PPFIA2: variants seen among roughly 807,000 people sequenced by gnomAD.
PPFIA2 encodes the protein PPFI scaffold protein A2.
In PPFIA2, 46 loss-of-function variants were observed where a neutral mutation model predicts 175.5. That is an observed-to-expected ratio of 0.26 (90% CI 0.21 to 0.34). The LOEUF (loss-of-function observed/expected upper bound fraction) is 0.34. Among genes scored for constraint, PPFIA2 ranks in the 10% least tolerant of loss-of-function variants. The pLI is 1.00. For missense variants in PPFIA2, 1,179 were observed against 1,506.1 expected (o/e 0.78, Z 3.60); for synonymous variants, 568 against 511.4 (o/e 1.11, Z -1.49).
chr12:81,348,538 C>G (rs192027091), intron 17 of PPFIA2, among the ~76,000 whole-genome samples: 1 of 151,960 alleles, frequency 6.6e-6, no homozygotes, highest in African/African-American at 2.4e-5. Context: ...GAGTTCGAGA[C>G]CAGCCTGGCC....
chr12:81,420,443 A>C (rs558028191), intron 7 of PPFIA2, among the ~76,000 whole-genome samples: 1 of 152,210 alleles, frequency 6.6e-6, no homozygotes, highest in Admixed American at 6.6e-5. Flanking sequence ...TCAGCAGAAC[A>C]ATACATGAAA....
intron 4 of PPFIA2, among the ~76,000 whole-genome samples, chr12:81,554,801 TAAA>T (rs2068556257): frequency 6.6e-6 from 1 of 152,022 alleles, no homozygotes; most frequent in African/African-American, 2.4e-5. Context: ...TTTTCTGAAC[TAAA>T]AACGTATACA....
intron 3 of PPFIA2, among the ~76,000 whole-genome samples, chr12:81,741,578 A>C (rs2153654394): frequency 6.6e-6 from 1 of 152,238 alleles, no homozygotes; most frequent in East Asian, 1.9e-4. Flanking sequence ...ATGGCTTTGA[A>C]GGCAGCCCAA....
rs118125166 is a variant in PPFIA2, at chr12:81,448,301, C to T, written c.406-2581G>A. Among the ~76,000 whole-genome samples, 86 of 152,274 alleles carry T rather than the reference C, an allele frequency of 5.6e-4. 1 individual carries two copies. The East Asian group carries it at 0.014, about 26-fold the overall frequency. On this transcript the variant is annotated intron_variant, in intron 5 of 32. Coordinates refer to ENST00000549396, the MANE Select transcript of PPFIA2 (RefSeq NM_003625.5). Reference sequence around the variant, plus strand: ...GTTAACAATTCAGTATTTGTAAGCACTCTCTTTCATGCTCCCTCAGTTTCT... The same window carrying T: ...GTTAACAATTCAGTATTTGTAAGCATTCTCTTTCATGCTCCCTCAGTTTCT...
chr12:81,659,528 G>T (rs2068422860), intron 4 of PPFIA2, among the ~76,000 whole-genome samples: 1 of 152,214 alleles, frequency 6.6e-6, no homozygotes, highest in South Asian at 2.1e-4. Flanking sequence ...CCATTGCTGA[G>T]GCTTGAAGAG....
Position 81,358,154 on chromosome 12 carries a change from A to G in PPFIA2, c.1701T>C (p.Ser567=). 6.3e-7 allele frequency: 1 copy of G among 1,599,850 alleles called. No homozygotes were observed. The highest frequency in any genetic ancestry group is 8.5e-7 in the Non-Finnish European group (1 of 1,172,566). The part of the protein sequence containing the change: ...YSVGSLVDSQ[S]DYRTTKVIRR... ...TTATTACTTTAGTTGTTCTGTAATC[A>G]GACTGGCTGTCCACTAGGGATCCCA... Residue 567 remains serine (S), a synonymous_variant, in exon 16 of 33, where the codon TCT becomes TCC. Transcript: ENST00000549396.
intron 21 of PPFIA2, among the ~76,000 whole-genome samples, chr12:81,338,544 C>T (rs2057488427): frequency 6.6e-6 from 1 of 151,958 alleles, no homozygotes; most frequent in Admixed American, 6.6e-5. Flanking sequence ...CTTTTCCCCA[C>T]ATCCATTCCT....
At chr12:81,589,871 A>G (rs188016356) in intron 4 of PPFIA2, among the ~76,000 whole-genome samples, 126 of 152,152 alleles carry the variant, frequency 8.3e-4, no homozygotes, top group African/African-American at 2.7e-3. Flanking sequence ...CCAAGGAAAT[A>G]TCCAGTATTC....
rs952875175 is a variant in PPFIA2 at position 81,498,996 on chromosome 12, GA to G, written c.304-41131del. 5.9e-5 allele frequency among the ~76,000 whole-genome samples: 9 copies of G among 152,112 alleles called. No individual in the cohort carries two copies. In the South Asian group the frequency reaches 1.0e-3, roughly 18 times the overall value. On this transcript the variant is annotated intron_variant, in intron 4 of 32. Transcript: ENST00000549396. ...GAAAAGAACTGTGCATCAAGCAATA[GA>G]AAAAAAATCAATATTCTGTTTTTAC...
intron 4 of PPFIA2, among the ~76,000 whole-genome samples, chr12:81,548,663 G>T (rs1323026609): frequency 6.6e-6 from 1 of 151,858 alleles, no homozygotes. Flanking sequence ...TTAGTCAATG[G>T]TTCATCCATA....
Position 81,339,344 on chromosome 12 carries a change from AC to A in PPFIA2, c.2394-11del, listed in dbSNP as rs771115687. On this transcript the variant is annotated splice_polypyrimidine_tract_variant and intron_variant, in intron 20 of 32. Transcript: ENST00000549396. ...AGAGACAGATAAACTACTGCAAAACACAAAAGAGGAAAATACATGCAACATC... is the reference window on the plus strand; with the variant it reads ...AGAGACAGATAAACTACTGCAAAACAAAAAGAGGAAAATACATGCAACATC... The A allele has an allele frequency of 6.4e-7, 1 of 1,555,532 alleles. No individual in the cohort carries two copies. The highest frequency in any genetic ancestry group is 2.3e-5 in the East Asian group (1 of 42,916).
chr12:81,705,234 G>A (rs2076980716), intron 3 of PPFIA2, among the ~76,000 whole-genome samples: 1 of 151,168 alleles, frequency 6.6e-6, no homozygotes, highest in South Asian at 2.1e-4. Flanking sequence ...CAGATCACGA[G>A]GTCAGGAGAT....
chr12:81,385,048 C>T (rs1042260834), intron 8 of PPFIA2, among the ~76,000 whole-genome samples: 4 of 151,940 alleles, frequency 2.6e-5, no homozygotes, highest in African/African-American at 4.8e-5. Flanking sequence ...AGGGAAGAGA[C>T]CTGAATAAAC....
At chr12:81,707,872 G>C (rs1018124067) in intron 3 of PPFIA2, among the ~76,000 whole-genome samples, 2 of 151,242 alleles carry the variant, frequency 1.3e-5, no homozygotes, top group East Asian at 3.9e-4. Context: ...GTCCTTTGTA[G>C]GGACATGGAT....
At chr12:81,586,237 G>A (rs1009363336) in intron 4 of PPFIA2, among the ~76,000 whole-genome samples, 111 of 151,936 alleles carry the variant, frequency 7.3e-4, no homozygotes, top group African/African-American at 2.1e-3. Context: ...GAATATTTAC[G>A]ATACAATAAT....
At chr12:81,269,263 GA>G (rs138216587) in intron 28 of PPFIA2, among the ~76,000 whole-genome samples, 3,850 of 152,028 alleles carry the variant, frequency 0.025, 81 homozygotes, top group South Asian at 0.071. Flanking sequence ...AACTTAAGGG[GA>G]TATGAGAAAA....
At chr12:81,544,083 T>C (rs2066619069) in intron 4 of PPFIA2, among the ~76,000 whole-genome samples, 1 of 152,090 alleles carries the variant, frequency 6.6e-6, no homozygotes, top group Admixed American at 6.6e-5. Flanking sequence ...TTAATAAAAA[T>C]ATATCAACAT....
At chr12:81,303,591 C>G (rs574391957) in intron 22 of PPFIA2, among the ~76,000 whole-genome samples, 1 of 152,274 alleles carries the variant, frequency 6.6e-6, no homozygotes, top group African/African-American at 2.4e-5. Context: ...CTCAGGTTCT[C>G]CTATTATTGA....
At chr12:81,578,946 TTAAAG>T (rs963891225) in intron 4 of PPFIA2, among the ~76,000 whole-genome samples, 2 of 151,798 alleles carry the variant, frequency 1.3e-5, no homozygotes, top group Non-Finnish European at 2.9e-5. Flanking sequence ...TTCAGGTACT[TTAAAG>T]TATTGTTTCC....
Sources: allele counts gnomAD v4.1 joint callset (sites outside exome capture counted in the v4.1 genomes callset), GRCh38; gene constraint gnomAD v4.1.1; transcripts MANE v1.5; gene names NCBI Gene and HGNC (gene_info 2026-07-23, HGNC 2026-07-21).